TAF4B: variants seen among roughly 807,000 people sequenced by gnomAD.
TAF4B encodes TATA-box binding protein associated factor 4b, also known as transcription initiation factor TFIID subunit 4B.
In TAF4B, 38 loss-of-function variants were observed where a neutral mutation model predicts 86.4. The observed-to-expected ratio is 0.44, with a 90% CI of 0.34 to 0.58. TAF4B has a LOEUF of 0.58. TAF4B is among the 20% of genes least tolerant of loss of function. The pLI is 0.02. For synonymous variants in TAF4B, 388 were observed against 391.2 expected (o/e 0.99, Z 0.10); for missense variants, 988 against 1,027.6 (o/e 0.96, Z 0.53).
chr18:26,343,576 A>G (rs923167869), intron 13 of TAF4B, among the ~76,000 whole-genome samples: 2 of 152,220 alleles, frequency 1.3e-5, no homozygotes, highest in Admixed American at 1.3e-4. Context: ...ATGCTAAAAC[A>G]AAGGTATTAA....
At chr18:26,239,057 C>T (rs919818711) in intron 1 of TAF4B, among the ~76,000 whole-genome samples, 6 of 152,154 alleles carry the variant, frequency 3.9e-5, no homozygotes, top group African/African-American at 1.2e-4. Context: ...CACACATGTG[C>T]GTGTGTCTTT....
chr18:26,348,834 A>G (rs1039475784), intron 13 of TAF4B: 2 of 153,582 alleles, frequency 1.3e-5, no homozygotes, highest in African/African-American at 4.8e-5. Flanking sequence ...ACCATGCACA[A>G]CATCAGAGAA....
At chr18:26,310,068 C>T (rs973365090) in intron 9 of TAF4B, among the ~76,000 whole-genome samples, 2 of 152,174 alleles carry the variant, frequency 1.3e-5, no homozygotes, top group African/African-American at 4.8e-5. Context: ...GGAGACACGC[C>T]CACCTCGGGC....
intron 1 of TAF4B, among the ~76,000 whole-genome samples, chr18:26,257,567 A>G (rs994123898): frequency 3.9e-5 from 6 of 152,022 alleles, no homozygotes; most frequent in African/African-American, 1.4e-4. Flanking sequence ...ATATAGTTGG[A>G]CTTAGCCTGC....
At chr18:26,274,628 A>C (rs762902267) in intron 3 of TAF4B, 35 bp from the exon 4 acceptor site, 1 of 1,612,688 alleles carries the variant, frequency 6.2e-7, no homozygotes, top group Non-Finnish European at 8.5e-7. Flanking sequence ...TATCATAGTA[A>C]TACATGCCTA....
chr18:26,237,018 A>G (rs1263011707), intron 1 of TAF4B, among the ~76,000 whole-genome samples: 1 of 152,160 alleles, frequency 6.6e-6, no homozygotes, highest in Non-Finnish European at 1.5e-5. Flanking sequence ...GGTGGACATC[A>G]TTGAATAATT....
At chr18:26,359,016 G>A (rs1018352116) in intron 14 of TAF4B, among the ~76,000 whole-genome samples, 1 of 152,214 alleles carries the variant, frequency 6.6e-6, no homozygotes, top group African/African-American at 2.4e-5. Flanking sequence ...TGCCCAACCA[G>A]ATGTAACCAC....
At chr18:26,304,757 C>T (rs916185389) in intron 9 of TAF4B, 2 of 984,380 alleles carry the variant, frequency 2.0e-6, no homozygotes, top group Non-Finnish European at 2.4e-6. Context: ...TTACTGACAC[C>T]TTTTTTTTAA....
chr18:26,242,610 AATTTGATCCTGTCATT>A (rs1408580699), intron 1 of TAF4B, among the ~76,000 whole-genome samples: 1 of 152,158 alleles, frequency 6.6e-6, no homozygotes, highest in Non-Finnish European at 1.5e-5. Flanking sequence ...GTTATGTGTG[AATTTGATCCTGTCATT>A]ATGATGTAAG....
chr18:26,273,053 A>G (rs747231144), intron 3 of TAF4B, among the ~76,000 whole-genome samples: 2 of 152,128 alleles, frequency 1.3e-5, no homozygotes, highest in Admixed American at 1.3e-4. Context: ...TATTATCCTT[A>G]TTCAATATTG....
chr18:26,285,906 C>T lies in TAF4B; in HGVS notation c.997C>T (p.Leu333Phe), dbSNP rs2056514611. 10 of 1,610,332 alleles carry T rather than the reference C, an allele frequency of 6.2e-6. No individual in the cohort carries two copies. Among genetic ancestry groups the T allele is most frequent in the African/African-American group, 1.3e-5 (1 of 74,872 alleles). ...LKKSVVALRQ[L>F]LPNSQSFIQQ... ...GAAAAGCGTGGTTGCCTTACGACAA[C>T]TTCTGCCTAACTCCCAGAGCTTCAT... Residue 333 changes from leucine to phenylalanine, a missense_variant, in exon 7 of 15, where the codon CTT becomes TTT. Leu to Phe is a conservative substitution (Grantham distance 22). This residue lies in a region of TAF4B where 747 missense variants were observed against 737.9 expected (regional missense o/e 1.01). Transcript: ENST00000269142.
chr18:26,231,939 T>G (rs181747665), intron 1 of TAF4B, among the ~76,000 whole-genome samples: 260 of 152,266 alleles, frequency 1.7e-3, no homozygotes, highest in Non-Finnish European at 3.2e-3. Flanking sequence ...CCTATCCGAG[T>G]GCACTTTTTT....
At chr18:26,353,153 CATAG>C (rs777895285) in intron 13 of TAF4B, among the ~76,000 whole-genome samples, 54 of 152,050 alleles carry the variant, frequency 3.6e-4, no homozygotes, top group Non-Finnish European at 4.7e-4. Flanking sequence ...CTCTTATGAA[CATAG>C]ATATAAACAT....
At chr18:26,311,451 G>A (rs2056852733) in intron 9 of TAF4B, among the ~76,000 whole-genome samples, 1 of 151,942 alleles carries the variant, frequency 6.6e-6, no homozygotes, top group African/African-American at 2.4e-5. Flanking sequence ...CCTGGCCAAC[G>A]TGGCAAAATC....
intron 1 of TAF4B, among the ~76,000 whole-genome samples, chr18:26,249,490 G>T (rs1305935257): frequency 6.7e-6 from 1 of 149,832 alleles, no homozygotes; most frequent in Non-Finnish European, 1.5e-5. Context: ...AAAAAAAAAA[G>T]ATCATTTACG....
At chr18:26,349,718 T>G (rs887325938) in intron 13 of TAF4B, among the ~76,000 whole-genome samples, 6 of 152,162 alleles carry the variant, frequency 3.9e-5, no homozygotes, top group African/African-American at 1.2e-4. Flanking sequence ...AAAATTCATA[T>G]GGAACTGCAA....
At chr18:26,277,623 G>T (rs1598749858) in intron 5 of TAF4B, among the ~76,000 whole-genome samples, 1 of 151,824 alleles carries the variant, frequency 6.6e-6, no homozygotes, top group East Asian at 1.9e-4. Flanking sequence ...ATCTGGTCTT[G>T]TGAAGAGAGG....
intron 1 of TAF4B, among the ~76,000 whole-genome samples, chr18:26,253,161 T>A (rs1280912423): frequency 2.0e-5 from 3 of 151,770 alleles, no homozygotes; most frequent in Non-Finnish European, 4.4e-5. Context: ...GTCTTATTCC[T>A]GATCCTTGGG....
At chr18:26,249,478 A>C (rs1540098) in intron 1 of TAF4B, among the ~76,000 whole-genome samples, 1 of 114,074 alleles carries the variant, frequency 8.8e-6, no homozygotes, top group African/African-American at 3.5e-5. Flanking sequence ...TCTCTCTCTC[A>C]AAAAAAAAAA....
Sources: gnomAD v4.1 joint callset for allele counts (sites outside exome capture counted in the v4.1 genomes callset) on GRCh38, gnomAD v4.1.1 for gene constraint, gnomAD v4.1.1 regional missense constraint, MANE v1.5 for transcripts, NCBI Gene and HGNC (gene_info 2026-07-23, HGNC 2026-07-21) for gene names.